ANKFN1: variants seen among roughly 807,000 people sequenced by gnomAD.
ANKFN1 encodes ankyrin repeat and fibronectin type III domain containing 1, also known as ankyrin repeat and fibronectin type-III domain-containing protein 1.
In ANKFN1, 74 loss-of-function variants were observed where a neutral mutation model predicts 108.7. That is an observed-to-expected ratio of 0.68 (90% CI 0.56 to 0.83). ANKFN1 has a LOEUF of 0.83. Among genes scored for constraint, ANKFN1 ranks in the 40% least tolerant of loss-of-function variants. The pLI is 0.00. For missense variants in ANKFN1, 1,505 were observed against 1,382.3 expected, an observed-to-expected ratio of 1.09 and a Z score of -1.41; for synonymous variants, 547 against 516.2, an observed-to-expected ratio of 1.06 and a Z score of -0.81.
intron 14 of ANKFN1, among the ~76,000 whole-genome samples, chr17:56,461,358 A>G (rs765936292): frequency 3.9e-5 from 6 of 152,168 alleles, no homozygotes; most frequent in Non-Finnish European, 7.4e-5. Context: ...ACTAAGCAAC[A>G]TTTTATACAC....
At chr17:56,108,076 A>C (rs11869943) in intron 4 of ANKFN1, among the ~76,000 whole-genome samples, 81,944 of 151,736 alleles carry the variant, frequency 0.54, 22,405 homozygotes, top group East Asian at 0.81. Context: ...CTCTTGTTGC[A>C]CATGCTGGAG....
At chr17:56,086,692 G>A (rs1905319924) in intron 4 of ANKFN1, among the ~76,000 whole-genome samples, 1 of 151,296 alleles carries the variant, frequency 6.6e-6, no homozygotes, top group Non-Finnish European at 1.5e-5. Context: ...AGCCCACGAT[G>A]TCTTCTTTTT....
chr17:56,427,409 AC>A (rs1314518077), intron 8 of ANKFN1, among the ~76,000 whole-genome samples: 1 of 152,114 alleles, frequency 6.6e-6, no homozygotes, highest in African/African-American at 2.4e-5. Flanking sequence ...GTGACTGTTT[AC>A]ATTGCTGTTT....
At chr17:56,108,797 A>C (rs920910386) in intron 4 of ANKFN1, among the ~76,000 whole-genome samples, 2 of 152,242 alleles carry the variant, frequency 1.3e-5, no homozygotes, top group Non-Finnish European at 2.9e-5. Context: ...CAAAAGCAAA[A>C]TATTACAATG....
At position 56,443,566 on chromosome 17, in the gene ANKFN1, GA is replaced by G. The variant is rs138731977; in HGVS notation, c.1099+637del. On this transcript the variant is annotated intron_variant, in intron 10 of 20. Coordinates refer to ENST00000682825, the MANE Select transcript of ANKFN1 (RefSeq NM_001370326.1). Reference sequence around the variant, plus strand: ...GCACACATCCACATCGACCTGATAAGAAAATGAAAGCTAACAAATCTTACTG... The same window carrying G: ...GCACACATCCACATCGACCTGATAAGAAATGAAAGCTAACAAATCTTACTG... 1.2e-3 allele frequency among the ~76,000 whole-genome samples: 180 copies of G among 152,190 alleles called. No homozygotes were observed. In the East Asian group the frequency reaches 0.017, roughly 14 times the overall value.
At chr17:56,256,547 G>A (rs148753511) in intron 3 of ANKFN1, among the ~76,000 whole-genome samples, 1 of 152,298 alleles carries the variant, frequency 6.6e-6, no homozygotes, top group African/African-American at 2.4e-5. Flanking sequence ...GGCAGAAAAT[G>A]AGACTGCTAG....
chr17:56,215,548 A>G (rs1915361990), intron 2 of ANKFN1, among the ~76,000 whole-genome samples: 1 of 152,230 alleles, frequency 6.6e-6, no homozygotes, highest in Non-Finnish European at 1.5e-5. Flanking sequence ...TCTGATTGAG[A>G]CAGGAAAGAA....
At chr17:56,311,698 G>A (rs1458362094) in intron 3 of ANKFN1, among the ~76,000 whole-genome samples, 1 of 152,186 alleles carries the variant, frequency 6.6e-6, no homozygotes, top group Non-Finnish European at 1.5e-5. Flanking sequence ...TTTGCTTCAT[G>A]CACAAAATTA....
Position 56,510,521 on chromosome 17 carries a change from C to T in ANKFN1, c.2693C>T (p.Pro898Leu), listed in dbSNP as rs1020944924. ...GAAGCCTGCTCAGAAGTCTTCCTCC[C>T]CACCAACAGTGACTACGACTCCAGC... ...DEEACSEVFLPTNSDYDSSDA... is the reference protein window; with the variant it reads ...DEEACSEVFLLTNSDYDSSDA... Residue 898 changes from proline (P) to leucine (L), a missense_variant, in exon 21 of 21, where the codon CCC becomes CTC. Transcript: ENST00000682825. The T allele has an allele frequency of 6.5e-7, 1 of 1,536,068 alleles. No homozygotes were observed. The highest frequency in any genetic ancestry group is 1.4e-5 in the African/African-American group (1 of 73,066).
intron 6 of ANKFN1, among the ~76,000 whole-genome samples, chr17:56,359,665 T>C (rs946144108): frequency 6.6e-6 from 1 of 152,200 alleles, no homozygotes; most frequent in Non-Finnish European, 1.5e-5. Context: ...TGTTACAATT[T>C]TGGCAGTCTT....
At chr17:56,071,413 G>A (rs8064718) in intron 4 of ANKFN1, among the ~76,000 whole-genome samples, 104,694 of 152,040 alleles carry the variant, frequency 0.69, 36,526 homozygotes, top group Middle Eastern at 0.76. Flanking sequence ...GGAGTATAAA[G>A]TTAGGCCTTA....
upstream of ANKFN1, among the ~76,000 whole-genome samples, chr17:56,151,116 G>A (rs1455697255): frequency 3.3e-5 from 5 of 152,126 alleles, no homozygotes; most frequent in African/African-American, 9.7e-5. Context: ...CACTCAGTGT[G>A]CAGCCACCTC....
At chr17:56,240,377 C>A (rs1304114103) in intron 3 of ANKFN1, among the ~76,000 whole-genome samples, 2 of 152,050 alleles carry the variant, frequency 1.3e-5, no homozygotes, top group Non-Finnish European at 2.9e-5. Flanking sequence ...GTATGATTTG[C>A]TATTTTATCT....
chr17:56,316,113 G>A (rs971566964), intron 3 of ANKFN1, among the ~76,000 whole-genome samples: 2 of 152,178 alleles, frequency 1.3e-5, no homozygotes, highest in Admixed American at 6.5e-5. Context: ...TTTCAGCTGA[G>A]AGTAATTTTA....
At chr17:56,399,843 T>TTATATATATATATATATATA (rs71139904) in intron 8 of ANKFN1, among the ~76,000 whole-genome samples, 1 of 64,760 alleles carries the variant, frequency 1.5e-5, no homozygotes, top group African/African-American at 3.0e-5. Context: ...ATTCCATTTT[T>TTATATATATATATATATATA]TATATATATA....
rs1334602948 is a variant in ANKFN1, at chr17:56,511,051, G to A, written c.3223G>A (p.Glu1075Lys). The A allele has an allele frequency of 6.5e-7, 1 of 1,535,996 alleles. No homozygotes were observed. Among genetic ancestry groups the A allele is most frequent in the South Asian group, 1.2e-5 (1 of 84,058 alleles). Residue 1075 changes from glutamate (E) to lysine (K), a missense_variant, in exon 21 of 21, where the codon GAG (glutamate) becomes AAG (lysine). Physicochemically the swap from Glu to Lys is moderately conservative, Grantham distance 56 (BLOSUM62 1). Transcript: ENST00000682825. ...TLAHAASLPE[E>K]RNSSLQDARP... ...GGCCCACGCTGCCAGCCTTCCTGAG[G>A]AGCGGAACAGCAGTCTCCAGGACGC...
intron 6 of ANKFN1, chr17:56,368,275 A>AGTTTTTTTT: frequency 3.2e-5 from 1 of 31,328 alleles, no homozygotes; most frequent in Non-Finnish European, 1.0e-4. Flanking sequence ...CTGAAAATGA[A>AGTTTTTTTT]CTTTTTTTTT....
upstream of ANKFN1, among the ~76,000 whole-genome samples, chr17:56,150,588 T>C (rs1908540412): frequency 6.6e-6 from 1 of 152,202 alleles, no homozygotes; most frequent in Non-Finnish European, 1.5e-5. Context: ...ACTTGGGTAG[T>C]AGATACAACT....
At chr17:56,218,598 T>G (rs781443195) in intron 2 of ANKFN1, among the ~76,000 whole-genome samples, 1 of 152,198 alleles carries the variant, frequency 6.6e-6, no homozygotes, top group Non-Finnish European at 1.5e-5. Context: ...CACCTTTTCT[T>G]CTTGCCCAAC....
Sources: gnomAD v4.1 joint callset for allele counts (sites outside exome capture counted in the v4.1 genomes callset) on GRCh38, gnomAD v4.1.1 for gene constraint, MANE v1.5 for transcripts, NCBI Gene and HGNC (gene_info 2026-07-23, HGNC 2026-07-21) for gene names.